The following MRAP2 variants were observed in gnomAD, a reference collection of about 807,000 sequenced individuals.
The protein encoded by MRAP2 is melanocortin-2 receptor accessory protein 2.
In MRAP2, 20 loss-of-function variants were observed where a neutral mutation model predicts 17.4. The ratio of observed to expected loss-of-function variants is 1.15; its 90% CI spans 0.81 to 1.67. The LOEUF (loss-of-function observed/expected upper bound fraction) is 1.67, where lower values mean the gene tolerates loss of function less well. MRAP2 is among the 40% of genes most tolerant of loss of function. The pLI, the probability that MRAP2 is intolerant of heterozygous loss-of-function variation, is 0.00. For missense variants in MRAP2, 238 were observed against 240.0 expected (o/e 0.99, Z 0.05); for synonymous variants, 96 against 88.4 (o/e 1.09, Z -0.48).
At chr6:84,044,530 A>G (rs1479662662) in intron 1 of MRAP2, among the ~76,000 whole-genome samples, 1 of 152,200 alleles carries the variant, frequency 6.6e-6, no homozygotes, top group African/African-American at 2.4e-5. Flanking sequence ...TCTGATGGCC[A>G]TAAGGGAAGC....
At chr6:84,070,067 AT>A (rs1250639337) in intron 3 of MRAP2, among the ~76,000 whole-genome samples, 2 of 151,156 alleles carry the variant, frequency 1.3e-5, no homozygotes, top group South Asian at 2.1e-4. Flanking sequence ...TATCTTTTGT[AT>A]TTTTTTGGTT....
the MRAP2 span, among the ~76,000 whole-genome samples, chr6:84,116,516 G>C: frequency 3.9e-5 from 6 of 152,260 alleles, no homozygotes; most frequent in South Asian, 2.1e-4. Flanking sequence ...CCCAGTCTCA[G>C]GTATGTCTTC....
chr6:84,132,132 T>A, the MRAP2 span, among the ~76,000 whole-genome samples: 2 of 152,256 alleles, frequency 1.3e-5, no homozygotes, highest in African/African-American at 2.4e-5. Context: ...AAATTCTGGG[T>A]TGAAAATTCT....
chr6:84,083,615 A>G (rs73483255), intron 3 of MRAP2, among the ~76,000 whole-genome samples: 3,962 of 152,234 alleles, frequency 0.026, 163 homozygotes, highest in African/African-American at 0.09. Flanking sequence ...TATGCTGACA[A>G]TTTTGAAGAC....
chr6:84,053,259 T>C (rs550729505), intron 1 of MRAP2, among the ~76,000 whole-genome samples: 61 of 152,358 alleles, frequency 4.0e-4, no homozygotes, highest in Non-Finnish European at 6.3e-4. Context: ...CTCCCTCTGC[T>C]CTGCTATTAT....
rs1023012013 is a variant in MRAP2, at chr6:84,086,814, T to C, written c.228-2277T>C. Among the ~76,000 whole-genome samples the C allele has an allele frequency of 7.4e-4, 112 of 152,286 alleles. 1 individual carries two copies. Among genetic ancestry groups the C allele is most frequent in the African/African-American group, 2.6e-3 (109 of 41,550 alleles). ...GGAGGGACAAAATTCTCTTGGTCTC[T>C]TGTGCCTTAGTTCTCCAGCAAGGGT... On this transcript the variant is annotated intron_variant, in intron 3 of 3. Coordinates refer to ENST00000257776, the MANE Select transcript of MRAP2 (RefSeq NM_138409.4).
At chr6:84,100,914 A>T in the MRAP2 span, among the ~76,000 whole-genome samples, 1 of 152,178 alleles carries the variant, frequency 6.6e-6, no homozygotes, top group Non-Finnish European at 1.5e-5. Flanking sequence ...CATTTCCTGC[A>T]TATTGTCAAG....
chr6:84,051,248 T>G (rs972185886), intron 1 of MRAP2, among the ~76,000 whole-genome samples: 1 of 152,318 alleles, frequency 6.6e-6, no homozygotes, highest in African/African-American at 2.4e-5. Context: ...AGAGAATTGC[T>G]TGATCCATTT....
At chr6:84,132,254 T>A in the MRAP2 span, among the ~76,000 whole-genome samples, 16 of 152,234 alleles carry the variant, frequency 1.1e-4, no homozygotes, top group Admixed American at 5.9e-4. Context: ...AGCTGACCTT[T>A]CATTCTGGCT....
chr6:84,065,620 T>A (rs1443767802), intron 3 of MRAP2, among the ~76,000 whole-genome samples: 2 of 152,298 alleles, frequency 1.3e-5, no homozygotes, highest in East Asian at 3.9e-4. Context: ...TTTTGTGGGT[T>A]ATTGAGATAG....
the MRAP2 span, among the ~76,000 whole-genome samples, chr6:84,118,992 G>A: frequency 6.6e-6 from 1 of 152,028 alleles, no homozygotes; most frequent in Non-Finnish European, 1.5e-5. Context: ...TCAATTATTT[G>A]TAAAAGTGTG....
the MRAP2 span, among the ~76,000 whole-genome samples, chr6:84,140,521 C>A: frequency 6.0e-5 from 9 of 150,780 alleles, no homozygotes; most frequent in African/African-American, 2.0e-4. Flanking sequence ...CAAAAGGCTT[C>A]TTGGTTTTTT....
chr6:84,111,750 T>C, the MRAP2 span, among the ~76,000 whole-genome samples: 16 of 152,158 alleles, frequency 1.1e-4, no homozygotes, highest in Non-Finnish European at 1.8e-4. Context: ...TTGTCATAGA[T>C]AGCTCTTATT....
intron 1 of MRAP2, among the ~76,000 whole-genome samples, chr6:84,054,950 G>T (rs145199593): frequency 6.6e-6 from 1 of 152,248 alleles, no homozygotes; most frequent in African/African-American, 2.4e-5. Context: ...ACTCTTGCAG[G>T]TATAGGTGCT....
At chr6:84,042,177 C>T (rs898951043) in intron 1 of MRAP2, among the ~76,000 whole-genome samples, 2 of 152,178 alleles carry the variant, frequency 1.3e-5, no homozygotes, top group African/African-American at 4.8e-5. Flanking sequence ...GCTCACACTT[C>T]TTGCTGCCGC....
At chr6:84,096,856 AAGG>A in the MRAP2 span, among the ~76,000 whole-genome samples, 2 of 152,192 alleles carry the variant, frequency 1.3e-5, no homozygotes, top group African/African-American at 4.8e-5. Flanking sequence ...TTGAGAGAAG[AAGG>A]TGCTGGTTAA....
intron 3 of MRAP2, among the ~76,000 whole-genome samples, chr6:84,068,249 C>T (rs1260388268): frequency 3.9e-5 from 6 of 152,124 alleles, no homozygotes; most frequent in Admixed American, 3.3e-4. Context: ...GCCTATGTGC[C>T]CATTTATATA....
At position 84,089,341 on chromosome 6, in the gene MRAP2, AG is replaced by A; in HGVS notation, c.480del (p.Arg160SerfsTer3). The A allele has an allele frequency of 6.2e-7, 1 of 1,614,230 alleles. No individual in the cohort carries two copies. The highest frequency in any genetic ancestry group is 8.5e-7 in the Non-Finnish European group (1 of 1,180,030). On this transcript the variant is annotated frameshift_variant, in exon 4 of 4. Coordinates refer to ENST00000257776, the MANE Select transcript of MRAP2 (RefSeq NM_138409.4). LOFTEE classifies it high-confidence loss of function. ...SSGQPEEELNRLMKFDIPNFV... is the reference protein window; with the variant it reads ...SSGQPEEELNXLMKFDIPNFV... ...TGGGCAGCCAGAGGAGGAGCTGAAC[AG>A]GCTCATGAAGTTTGACATCCCCAAC...
chr6:84,070,730 A>G (rs2099496002), intron 3 of MRAP2, among the ~76,000 whole-genome samples: 1 of 152,122 alleles, frequency 6.6e-6, no homozygotes, highest in South Asian at 2.1e-4. Context: ...TAATTGTTTT[A>G]TAAATTTGGG....
Sources: allele counts gnomAD v4.1 joint callset (sites outside exome capture counted in the v4.1 genomes callset), GRCh38; gene constraint gnomAD v4.1.1; transcripts MANE v1.5; gene names NCBI Gene and HGNC (gene_info 2026-07-23, HGNC 2026-07-21).